SHANK2: variants seen among roughly 807,000 people sequenced by gnomAD.
SHANK2 encodes SH3 and multiple ankyrin repeat domains protein 2.
A neutral mutation model predicts 133.7 loss-of-function variants in SHANK2; 43 were observed. The ratio of observed to expected loss-of-function variants is 0.32; its 90% CI spans 0.25 to 0.41. SHANK2 has a LOEUF of 0.41. SHANK2 is among the 10% of genes least tolerant of loss of function. The pLI, the probability that SHANK2 is intolerant of heterozygous loss-of-function variation, is 1.00. For missense variants in SHANK2, 1,994 were observed against 2,235.8 expected, an observed-to-expected ratio of 0.89 and a Z score of 2.18; for synonymous variants, 1,017 against 952.8, an observed-to-expected ratio of 1.07 and a Z score of -1.24.
At chr11:70,679,979 C>T (rs1401412885) in intron 15 of SHANK2, among the ~76,000 whole-genome samples, 2 of 152,164 alleles carry the variant, frequency 1.3e-5, no homozygotes, top group African/African-American at 2.4e-5. Flanking sequence ...TGGGGTCCCA[C>T]GGAGGCCGAC....
chr11:70,731,979 G>C (rs557479538), intron 14 of SHANK2, among the ~76,000 whole-genome samples: 1 of 152,082 alleles, frequency 6.6e-6, no homozygotes, highest in Non-Finnish European at 1.5e-5. Context: ...CACTCCTGTG[G>C]CCTCCTCCTC....
At chr11:70,844,362 C>T (rs1948962394) in intron 11 of SHANK2, among the ~76,000 whole-genome samples, 1 of 151,848 alleles carries the variant, frequency 6.6e-6, no homozygotes, top group Non-Finnish European at 1.5e-5. Flanking sequence ...GGGCCGGGGG[C>T]GGGGCATGAA....
intron 17 of SHANK2, among the ~76,000 whole-genome samples, chr11:70,654,763 GT>G (rs1384614672): frequency 1.5e-5 from 2 of 135,504 alleles, no homozygotes; most frequent in Non-Finnish European, 3.1e-5. Context: ...TTTTGTTTTT[GT>G]TTTTTTTGTT....
At chr11:70,919,537 T>C (rs981045200) in intron 10 of SHANK2, among the ~76,000 whole-genome samples, 1 of 152,088 alleles carries the variant, frequency 6.6e-6, no homozygotes, top group Non-Finnish European at 1.5e-5. Flanking sequence ...CGTGTACCAC[T>C]ACACCTGGCT....
chr11:70,638,996 TCAAAAAAA>T (rs71467412), intron 17 of SHANK2, among the ~76,000 whole-genome samples: 38 of 150,292 alleles, frequency 2.5e-4, no homozygotes, highest in Non-Finnish European at 4.4e-4. Flanking sequence ...AGACTCCATC[TCAAAAAAA>T]CAAAAAAACA....
At position 70,801,915 on chromosome 11, in the gene SHANK2, C is replaced by T. The variant is rs58022659; in HGVS notation, c.1664-3359G>A. On this transcript the variant is annotated intron_variant, in intron 13 of 25. Transcript: ENST00000601538. ...GGAGCCCCAGACTTGCAGGGGAATA[C>T]GGTGTGATAGGACTGACTCTACCAC... Among the ~76,000 whole-genome samples the T allele has an allele frequency of 5.4e-3, 828 of 152,208 alleles. 7 individuals are homozygous for T. The highest frequency in any genetic ancestry group is 0.018 in the African/African-American group (762 of 41,524).
intron 17 of SHANK2, among the ~76,000 whole-genome samples, chr11:70,658,208 A>AAC (rs782131753): frequency 0.079 from 7,712 of 97,378 alleles, 394 homozygotes; most frequent in Middle Eastern, 0.12. Flanking sequence ...ACGCCCCCCC[A>AAC]ACACACACAC....
chr11:70,675,412 G>T (rs1338069360), intron 15 of SHANK2, among the ~76,000 whole-genome samples: 2 of 152,222 alleles, frequency 1.3e-5, no homozygotes, highest in Non-Finnish European at 2.9e-5. Flanking sequence ...AAATAAAGCA[G>T]AGAGGTTGAG....
intron 2 of SHANK2, among the ~76,000 whole-genome samples, chr11:71,174,240 C>T (rs1237874960): frequency 2.0e-5 from 3 of 152,196 alleles, no homozygotes; most frequent in Non-Finnish European, 2.9e-5. Flanking sequence ...TGACTGGAAA[C>T]AGTCATTAAG....
intron 2 of SHANK2, among the ~76,000 whole-genome samples, chr11:71,201,613 T>C (rs140236861): frequency 2.1e-3 from 315 of 152,308 alleles, no homozygotes; most frequent in African/African-American, 7.2e-3. Context: ...AGCTTTAAGA[T>C]AAATCCAGTG....
chr11:70,538,754 G>C (rs1219149537), intron 17 of SHANK2, among the ~76,000 whole-genome samples: 4 of 152,328 alleles, frequency 2.6e-5, no homozygotes, highest in East Asian at 1.9e-4. Context: ...CCCCGGGGCA[G>C]AGCCTCCAGG....
At chr11:70,543,209 T>C (rs910595817) in intron 17 of SHANK2, among the ~76,000 whole-genome samples, 2 of 152,140 alleles carry the variant, frequency 1.3e-5, no homozygotes, top group African/African-American at 4.8e-5. Flanking sequence ...CGTTGTGAAA[T>C]GGGTATTTGG....
At chr11:71,171,395 G>A (rs568685234) in intron 2 of SHANK2, among the ~76,000 whole-genome samples, 3 of 152,294 alleles carry the variant, frequency 2.0e-5, no homozygotes, top group South Asian at 2.1e-4. Flanking sequence ...GAGGGGAAGC[G>A]GCTGCCTGGG....
intron 3 of SHANK2, among the ~76,000 whole-genome samples, chr11:71,124,332 GGAT>G (rs1408700592): frequency 1.9e-5 from 2 of 106,022 alleles, no homozygotes; most frequent in Admixed American, 9.5e-5. Context: ...ATCATAATGA[GGAT>G]GATGATGGTG....
intron 25 of SHANK2, among the ~76,000 whole-genome samples, chr11:70,483,536 C>CAAAAAAA (rs10590898): frequency 4.5e-5 from 2 of 44,538 alleles, no homozygotes; most frequent in African/African-American, 1.7e-4. Flanking sequence ...TCATCTCTAC[C>CAAAAAAA]AAAAAAAAAA....
chr11:70,500,788 G>T lies in SHANK2; in HGVS notation c.2288-198C>A. ...GGCTTTCCCCAAACCTTGGCTGCCCGCACAACTCTGTCCTGTCTGCCCTGC... is the reference window on the plus strand; with the variant it reads ...GGCTTTCCCCAAACCTTGGCTGCCCTCACAACTCTGTCCTGTCTGCCCTGC... On this transcript the variant is annotated intron_variant, in intron 20 of 25. Coordinates refer to ENST00000601538, the MANE Select transcript of SHANK2 (RefSeq NM_012309.5). The surrounding 1 kb of genome is among the most constrained non-coding windows in gnomAD (Gnocchi z 4.5). The T allele has an allele frequency of 1.3e-6, 1 of 747,154 alleles. No individual in the cohort carries two copies. Among genetic ancestry groups the T allele is most frequent in the South Asian group, 1.5e-5 (1 of 67,414 alleles). 46.3% of individuals were successfully genotyped at this position (747,154 alleles called of 1,614,324 possible).
At chr11:70,798,412 G>A (rs1555049675) in intron 14 of SHANK2, 31 bp downstream of exon 14, 2 of 716,580 alleles carry the variant, frequency 2.8e-6, no homozygotes, top group South Asian at 3.0e-5. Flanking sequence ...CTGCAGGATC[G>A]AGGGTGGGCG....
chr11:71,205,400 C>T (rs909898263), intron 2 of SHANK2, among the ~76,000 whole-genome samples: 9 of 152,246 alleles, frequency 5.9e-5, no homozygotes, highest in East Asian at 1.9e-4. Context: ...GGCTCTGCCT[C>T]GTGCCCCTGC....
At chr11:70,759,188 A>ACCAAT (rs71049938) in intron 14 of SHANK2, among the ~76,000 whole-genome samples, 76 of 124,938 alleles carry the variant, frequency 6.1e-4, no homozygotes, top group Admixed American at 1.3e-3. Context: ...ACCAAACCAA[A>ACCAAT]ACAAAACAAA....
Sources: gnomAD v4.1 joint callset for allele counts (sites outside exome capture counted in the v4.1 genomes callset) on GRCh38, gnomAD v4.1.1 for gene constraint, Gnocchi (gnomAD v3.1) non-coding constraint, MANE v1.5 for transcripts, NCBI Gene and HGNC (gene_info 2026-07-23, HGNC 2026-07-21) for gene names.